NTMT1: variants seen among roughly 807,000 people sequenced by gnomAD.
NTMT1 encodes the protein N-terminal RCC1 methyltransferase.
NTMT1 carries 8 observed loss-of-function variants against 17.5 expected under a neutral mutation model. The ratio of observed to expected loss-of-function variants is 0.46; its 90% CI spans 0.27 to 0.82. The LOEUF (loss-of-function observed/expected upper bound fraction) is 0.82, where lower values mean the gene tolerates loss of function less well. Among genes scored for constraint, NTMT1 ranks in the 40% least tolerant of loss-of-function variants. NTMT1 has a pLI of 0.15. For missense variants in NTMT1, 221 were observed against 303.5 expected (o/e 0.73, Z 2.02); for synonymous variants, 128 against 126.8 (o/e 1.01, Z -0.06).
chr9:129,630,499 T>G (rs1831104968), intron 1 of NTMT1, among the ~76,000 whole-genome samples: 1 of 152,198 alleles, frequency 6.6e-6, no homozygotes, highest in African/African-American at 2.4e-5. Context: ...TCATAGTTGC[T>G]TCCCAAAGGC....
At chr9:129,624,655 G>A (rs1428474294), upstream of NTMT1, among the ~76,000 whole-genome samples, 1 of 152,164 alleles carries the variant, frequency 6.6e-6, no homozygotes, top group Non-Finnish European at 1.5e-5. Flanking sequence ...TTGAGACAGA[G>A]TTTCGTTCTT....
intron 2 of NTMT1, chr9:129,633,754 G>A: frequency 3.6e-6 from 1 of 277,610 alleles, no homozygotes. Context: ...GATGGCTTGA[G>A]CCCAGGAGTT....
chr9:129,626,982 TGTG>T (rs769246073), intron 1 of NTMT1, among the ~76,000 whole-genome samples: 1 of 152,108 alleles, frequency 6.6e-6, no homozygotes, highest in African/African-American at 2.4e-5. Flanking sequence ...AACCGGTGGT[TGTG>T]GTGTGTAGAA....
intron 1 of NTMT1, among the ~76,000 whole-genome samples, chr9:129,611,511 G>T (rs1054500973): frequency 1.3e-5 from 2 of 152,246 alleles, no homozygotes; most frequent in Non-Finnish European, 2.9e-5. Context: ...GGACCAGAGG[G>T]TGCCAACCCT....
intron 1 of NTMT1, chr9:129,615,585 T>TC: frequency 6.2e-7 from 1 of 1,606,366 alleles, no homozygotes. Context: ...CCTAGAGCCT[T>TC]CCCCCGAGGG....
At chr9:129,609,123 C>T (rs1830060592) in exon 1 of NTMT1, 1 of 152,420 alleles carries the variant, frequency 6.6e-6, no homozygotes, top group African/African-American at 2.4e-5. Context: ...GCTCTGCTGG[C>T]TCAGGACATC....
At chr9:129,623,288 G>T (rs570696084), upstream of NTMT1, among the ~76,000 whole-genome samples, 1 of 150,596 alleles carries the variant, frequency 6.6e-6, no homozygotes, top group Non-Finnish European at 1.5e-5. Context: ...AGCGGAGATC[G>T]CGCCACTGCA....
intron 1 of NTMT1, among the ~76,000 whole-genome samples, chr9:129,616,510 G>C (rs12553839): frequency 6.6e-5 from 10 of 151,866 alleles, no homozygotes; most frequent in African/African-American, 2.4e-4. Context: ...GCCACCGCCC[G>C]CCCGCCTGCC....
At chr9:129,634,930 C>A in intron 3 of NTMT1, 2 of 438,166 alleles carry the variant, frequency 4.6e-6, no homozygotes, top group South Asian at 5.7e-5. Context: ...AGGGGTGGGG[C>A]ATCATGGTGT....
chr9:129,634,209 G>A lies in NTMT1; in HGVS notation c.318G>A (p.Glu106=). The change falls in exon 3 of 4, where the codon GAG becomes GAA. Residue 106 remains glutamate (E), a synonymous_variant. Transcript: ENST00000372483. ...FLVQAKTYLG[E]EGKRVRNYFC... is the part of the protein sequence containing the mutation. ...TTCAAGCCAAGACCTACCTGGGGGA[G>A]GAGGGCAAGAGGGTGAGGAACTACT... 4 of 1,614,178 alleles carry A rather than the reference G, an allele frequency of 2.5e-6. No individual in the cohort carries two copies. Among genetic ancestry groups the A allele is most frequent in the South Asian group, 2.2e-5 (2 of 91,084 alleles).
chr9:129,633,290 T>C (rs1167579785), intron 2 of NTMT1: 2 of 329,246 alleles, frequency 6.1e-6, no homozygotes, highest in African/African-American at 2.1e-5. Context: ...GGACCCCCAG[T>C]CCTGGAGCCC....
intron 1 of NTMT1, among the ~76,000 whole-genome samples, chr9:129,617,051 G>A (rs1219485608): frequency 1.3e-5 from 2 of 151,146 alleles, no homozygotes; most frequent in African/African-American, 2.5e-5. Flanking sequence ...TAGGGACGGA[G>A]TGAGACTTCG....
In NTMT1 at chr9:129,635,680, G is replaced by C. The variant is rs996043241; in HGVS notation, c.*216G>C. ...GAACCAGCGGTGAGGCAGGAGCCCA[G>C]ACCCTGCTCTCCTGCGAGATGGGAT... is the stretch of plus-strand genomic sequence containing the variant. On this transcript the variant is annotated 3_prime_UTR_variant, in exon 4 of 4. Coordinates refer to ENST00000372483, the MANE Select transcript of NTMT1 (RefSeq NM_014064.4). 10 of 584,820 alleles carry C rather than the reference G, an allele frequency of 1.7e-5. No homozygotes were observed. The African/African-American group carries it at 1.9e-4, about 11-fold the overall frequency. 36.2% of individuals were successfully genotyped at this position (584,820 alleles called of 1,614,324 possible). A position where few individuals can be genotyped will look rare whatever the true frequency, so the allele number is the denominator to read the frequency against.
intron 1 of NTMT1, among the ~76,000 whole-genome samples, chr9:129,610,748 G>A (rs1564330294): frequency 6.6e-6 from 1 of 152,154 alleles, no homozygotes; most frequent in Admixed American, 6.5e-5. Context: ...CGGCGCAGGG[G>A]CCGGGGCCCG....
At chr9:129,616,478 A>T (rs1830394035) in intron 1 of NTMT1, among the ~76,000 whole-genome samples, 1 of 152,072 alleles carries the variant, frequency 6.6e-6, no homozygotes, top group Non-Finnish European at 1.5e-5. Context: ...CGCCTTCCTA[A>T]GTGCTGGGAT....
exon 1 of NTMT1, chr9:129,608,999 G>C (rs1328032001): frequency 1.3e-5 from 2 of 152,384 alleles, no homozygotes. Context: ...TCCAACACCT[G>C]GTCACTGTGT....
intron 1 of NTMT1, chr9:129,612,512 G>T: frequency 1.5e-6 from 2 of 1,350,062 alleles, no homozygotes; most frequent in Non-Finnish European, 2.1e-6. Flanking sequence ...AGGGGACTGG[G>T]CTCCCAGTGG....
chr9:129,633,736 A>C, intron 2 of NTMT1: 2 of 236,180 alleles, frequency 8.5e-6, no homozygotes, highest in Admixed American at 5.6e-5. Context: ...TGAGGTGGGA[A>C]GATGGAGGAT....
intron 1 of NTMT1, among the ~76,000 whole-genome samples, chr9:129,617,624 G>A (rs999326910): frequency 2.0e-5 from 3 of 152,176 alleles, no homozygotes; most frequent in African/African-American, 7.2e-5. Flanking sequence ...GAAGTCATGT[G>A]TATATTTGGC....
Sources: gnomAD v4.1 joint callset for allele counts (sites outside exome capture counted in the v4.1 genomes callset) on GRCh38, gnomAD v4.1.1 for gene constraint, MANE v1.5 for transcripts, NCBI Gene and HGNC (gene_info 2026-07-23, HGNC 2026-07-21) for gene names.